Variants in SLC6A2 observed in about 807,000 individuals in gnomAD.
SLC6A2 encodes the protein sodium-dependent noradrenaline transporter.
In SLC6A2, 26 loss-of-function variants were observed where a neutral mutation model predicts 71.7. The observed-to-expected ratio is 0.36, with a 90% confidence interval of 0.27 to 0.50. The LOEUF is 0.50. SLC6A2 is among the 20% of genes least tolerant of loss of function. SLC6A2 has a pLI of 0.96. For synonymous variants in SLC6A2, 363 were observed against 337.9 expected (o/e 1.07, Z -0.82); for missense variants, 581 against 803.9 (o/e 0.72, Z 3.35).
chr16:55,669,769 G>A, intron 3 of SLC6A2, 73 bp downstream of exon 3: 2 of 1,544,074 alleles, frequency 1.3e-6, no homozygotes, highest in South Asian at 1.1e-5. Flanking sequence ...ATCTGCTCCA[G>A]TGGTGAGATC....
In SLC6A2 at chr16:55,656,458, T is replaced by G; in HGVS notation, c.-51-186T>G. The G allele has an allele frequency of 1.7e-6, 1 of 591,998 alleles. No individual in the cohort carries two copies. Among genetic ancestry groups the G allele is most frequent in the Non-Finnish European group, 3.0e-6 (1 of 331,884 alleles). The allele number at this position is 591,998 out of a possible 1,614,324, so 36.7% of individuals were successfully genotyped here. A position where few individuals can be genotyped will look rare whatever the true frequency, so the allele number is the denominator to read the frequency against. On this transcript the variant is annotated intron_variant, in intron 1 of 14. Coordinates refer to ENST00000568943, the MANE Select transcript of SLC6A2 (RefSeq NM_001172501.3). The surrounding 1 kb of genome is among the most constrained non-coding windows in gnomAD (Gnocchi z 4.5). ...GAGGGCTGTCAGAAGTCTCCAACTC[T>G]TGAGTTCCGGCGTGCCCCAACCTCT...
intron 4 of SLC6A2, among the ~76,000 whole-genome samples, chr16:55,683,284 C>T (rs888510216): frequency 1.3e-5 from 2 of 152,124 alleles, no homozygotes; most frequent in Admixed American, 6.6e-5. Context: ...CCCCAATATT[C>T]TCAGACCACC....
intron 4 of SLC6A2, among the ~76,000 whole-genome samples, chr16:55,682,494 G>A (rs751997673): frequency 1.3e-5 from 2 of 152,152 alleles, no homozygotes; most frequent in Non-Finnish European, 2.9e-5. Context: ...AGCAAGAAAG[G>A]CTGGGAGCAT....
chr16:55,665,094 T>A (rs1941748713), intron 2 of SLC6A2, among the ~76,000 whole-genome samples: 1 of 152,156 alleles, frequency 6.6e-6, no homozygotes, highest in South Asian at 2.1e-4. Flanking sequence ...CATGGCTAGA[T>A]TGAGCTGGGA....
At chr16:55,657,174 C>T (rs182928379) in intron 2 of SLC6A2, among the ~76,000 whole-genome samples, 5 of 152,242 alleles carry the variant, frequency 3.3e-5, no homozygotes, top group Admixed American at 3.3e-4. Flanking sequence ...TGCAGAGTAC[C>T]TCGAGCTCAT....
chr16:55,668,668 C>T (rs1964819828), intron 2 of SLC6A2, among the ~76,000 whole-genome samples: 1 of 152,146 alleles, frequency 6.6e-6, no homozygotes, highest in Non-Finnish European at 1.5e-5. Context: ...TCCCGGACTG[C>T]CAGGGTGTAC....
chr16:55,667,069 A>C (rs1345468456), intron 2 of SLC6A2, among the ~76,000 whole-genome samples: 1 of 151,496 alleles, frequency 6.6e-6, no homozygotes, highest in African/African-American at 2.4e-5. Context: ...GGGCAGTGGC[A>C]TGATCATAGC....
In SLC6A2 at chr16:55,677,075, C is replaced by T. The variant is rs370174153; in HGVS notation, c.644+4900C>T. 4.6e-5 allele frequency among the ~76,000 whole-genome samples: 7 copies of T among 152,280 alleles called. No homozygotes were observed. The East Asian group carries it at 7.7e-4, about 17-fold the overall frequency. On this transcript the variant is annotated intron_variant, in intron 4 of 14. Transcript: ENST00000568943. ...GTTGGAAGCCCTTGTTTACACACTG[C>T]GCTCTTCTGTCTTGGAGTAGGACTC...
chr16:55,702,183 C>T, intron 14 of SLC6A2, 140 bp from the exon 15 acceptor site: 1 of 920,608 alleles, frequency 1.1e-6, no homozygotes, highest in South Asian at 1.3e-5. Flanking sequence ...ATTAGGGAAT[C>T]AACTTGCACG....
chr16:55,672,805 G>A (rs1235704683), intron 4 of SLC6A2, among the ~76,000 whole-genome samples: 1 of 152,212 alleles, frequency 6.6e-6, no homozygotes, highest in Admixed American at 6.5e-5. Context: ...AAATTATTTG[G>A]ACCATGTGTG....
At chr16:55,670,187 G>A (rs148785780) in intron 3 of SLC6A2, among the ~76,000 whole-genome samples, 24 of 152,316 alleles carry the variant, frequency 1.6e-4, no homozygotes, top group African/African-American at 5.8e-4. Flanking sequence ...AGTAGGCAGA[G>A]CAACTGCTAT....
At chr16:55,677,807 G>T (rs1965141802) in intron 4 of SLC6A2, among the ~76,000 whole-genome samples, 1 of 152,118 alleles carries the variant, frequency 6.6e-6, no homozygotes, top group Admixed American at 6.5e-5. Context: ...CTATAAGCAT[G>T]TACCACCACG....
At chr16:55,669,843 C>T in intron 3 of SLC6A2, 147 bp downstream of exon 3, 1 of 867,390 alleles carries the variant, frequency 1.2e-6, no homozygotes, top group Non-Finnish European at 1.9e-6. Context: ...GTCCCCCATT[C>T]CAAGTTACGT....
chr16:55,699,465 C>A, intron 11 of SLC6A2, 89 bp from the exon 12 acceptor site: 1 of 997,192 alleles, frequency 1.0e-6, no homozygotes, highest in Non-Finnish European at 1.6e-6. Flanking sequence ...CACTGCCCTG[C>A]TCTCCACCTG....
intron 13 of SLC6A2, among the ~76,000 whole-genome samples, chr16:55,700,832 T>C (rs1965951198): frequency 6.6e-6 from 1 of 152,202 alleles, no homozygotes; most frequent in South Asian, 2.1e-4. Context: ...TATACATATG[T>C]ATATATGTAC....
At chr16:55,666,221 C>G (rs183201114) in intron 2 of SLC6A2, among the ~76,000 whole-genome samples, 4 of 152,322 alleles carry the variant, frequency 2.6e-5, no homozygotes, top group Admixed American at 1.3e-4. Context: ...CTGGTTGCAG[C>G]TGGCACTGCC....
chr16:55,672,693 A>G (rs191626701), intron 4 of SLC6A2, among the ~76,000 whole-genome samples: 5 of 152,160 alleles, frequency 3.3e-5, no homozygotes. Flanking sequence ...AGTCTGACTC[A>G]CCCTGGGCTG....
rs749260706 is a variant in SLC6A2, at chr16:55,656,606, C to A, written c.-51-38C>A. 2.6e-6 allele frequency: 4 copies of A among 1,557,442 alleles called. No homozygotes were observed. The highest frequency in any genetic ancestry group is 1.1e-5 in the South Asian group (1 of 89,390). ...CTTGGGAGTTGCAAGTAGGGAGGAA[C>A]GGCCGGGTAACCACCTCTTTTCCCT... On this transcript the variant is annotated intron_variant, in intron 1 of 14. Transcript: ENST00000568943. This position sits in a 1 kb window ranked among gnomAD's most constrained non-coding sequence, Gnocchi z 4.5.
Position 55,656,546 on chromosome 16 carries a change from C to T in SLC6A2, c.-51-98C>T, listed in dbSNP as rs1330197795. 1.0e-5 allele frequency: 10 copies of T among 955,238 alleles called. No homozygotes were observed. In the East Asian group the frequency reaches 2.2e-4, roughly 21 times the overall value. The allele number at this position is 955,238 out of a possible 1,614,324, so 59.2% of individuals were successfully genotyped here. ...GGGAACCCTGCGTCCGCTCAGCGCG[C>T]GCTCATCCCAGTGTCTAAGGCGCTC... is the stretch of plus-strand genomic sequence containing the variant. On this transcript the variant is annotated intron_variant, in intron 1 of 14. Coordinates refer to ENST00000568943, the MANE Select transcript of SLC6A2 (RefSeq NM_001172501.3). The surrounding 1 kb of genome is among the most constrained non-coding windows in gnomAD (Gnocchi z 4.5).
Sources: allele counts gnomAD v4.1 joint callset (sites outside exome capture counted in the v4.1 genomes callset), GRCh38; gene constraint gnomAD v4.1.1; non-coding constraint Gnocchi (gnomAD v3.1); transcripts MANE v1.5; gene names NCBI Gene and HGNC (gene_info 2026-07-23, HGNC 2026-07-21).